RMST: variants seen among roughly 807,000 people sequenced by gnomAD.
The protein encoded by RMST is long intergenic non-protein coding RNA 54.
At chr12:97,500,673 A>G (rs544696140) in intron 10 of RMST, among the ~76,000 whole-genome samples, 1 of 152,268 alleles carries the variant, frequency 6.6e-6, no homozygotes, top group South Asian at 2.1e-4. Context: ...CGATATTATG[A>G]TATGCATTTT....
At chr12:97,468,364 A>T (rs982305704) in intron 5 of RMST, among the ~76,000 whole-genome samples, 1 of 151,962 alleles carries the variant, frequency 6.6e-6, no homozygotes, top group Non-Finnish European at 1.5e-5. Flanking sequence ...GGCTATATAG[A>T]CTCGTTACGT....
At chr12:97,562,806 C>T (rs1216599888) in intron 13 of RMST, among the ~76,000 whole-genome samples, 1 of 152,186 alleles carries the variant, frequency 6.6e-6, no homozygotes, top group East Asian at 1.9e-4. Context: ...TTCACATAAA[C>T]CAAGATGTCA....
intron 5 of RMST, among the ~76,000 whole-genome samples, chr12:97,489,811 G>T (rs1334445167): frequency 1.3e-5 from 2 of 152,106 alleles, no homozygotes; most frequent in Non-Finnish European, 2.9e-5. Flanking sequence ...TCATGCACTG[G>T]GGTAAGCATT....
intron 5 of RMST, among the ~76,000 whole-genome samples, chr12:97,488,251 G>C (rs1414814643): frequency 6.6e-6 from 1 of 152,196 alleles, no homozygotes; most frequent in Non-Finnish European, 1.5e-5. Context: ...GGTGGTGCAT[G>C]CCTGTGATCC....
intron 10 of RMST, among the ~76,000 whole-genome samples, chr12:97,523,942 GGT>G (rs1880783105): frequency 6.6e-6 from 1 of 151,742 alleles, no homozygotes. Context: ...CGGGCATGGT[GGT>G]GCGTGCCTGT....
chr12:97,557,043 T>G (rs1278074204), intron 11 of RMST, among the ~76,000 whole-genome samples: 1 of 152,200 alleles, frequency 6.6e-6, no homozygotes, highest in African/African-American at 2.4e-5. Context: ...AAAGTTAAAA[T>G]AGAATACACC....
intron 11 of RMST, among the ~76,000 whole-genome samples, chr12:97,555,727 A>C (rs1301330376): frequency 6.6e-6 from 1 of 152,242 alleles, no homozygotes; most frequent in Non-Finnish European, 1.5e-5. Flanking sequence ...AAGTCAATAA[A>C]AATGATTAGA....
chr12:97,529,564 G>T (rs1881440209), intron 10 of RMST, among the ~76,000 whole-genome samples: 1 of 145,536 alleles, frequency 6.9e-6, no homozygotes, highest in Non-Finnish European at 1.5e-5. Flanking sequence ...TTATGATATA[G>T]AATTCTCTTT....
chr12:97,511,651 A>G (rs995603369), intron 10 of RMST, among the ~76,000 whole-genome samples: 5 of 152,206 alleles, frequency 3.3e-5, no homozygotes, highest in Admixed American at 6.5e-5. Flanking sequence ...TAATCTTACT[A>G]TGCCTCAGTT....
chr12:97,531,489 A>C (rs972133689), intron 11 of RMST, among the ~76,000 whole-genome samples: 4 of 152,118 alleles, frequency 2.6e-5, no homozygotes, highest in Non-Finnish European at 5.9e-5. Context: ...GCTTGATTGA[A>C]TATTTAAGAT....
At chr12:97,535,681 T>C (rs1052251989) in intron 11 of RMST, among the ~76,000 whole-genome samples, 4 of 151,604 alleles carry the variant, frequency 2.6e-5, no homozygotes. Context: ...TTGCTAAAAC[T>C]TGGAGACTAT....
At chr12:97,501,714 T>C (rs1053810776) in intron 10 of RMST, among the ~76,000 whole-genome samples, 2 of 152,162 alleles carry the variant, frequency 1.3e-5, no homozygotes, top group African/African-American at 4.8e-5. Flanking sequence ...GATCTTAGAA[T>C]GGCCATGAAA....
intron 11 of RMST, among the ~76,000 whole-genome samples, chr12:97,536,353 A>G (rs1882079480): frequency 2.6e-5 from 4 of 151,586 alleles, no homozygotes; most frequent in Non-Finnish European, 1.5e-5. Context: ...TAAAAGAATT[A>G]ACTTGAGTTA....
At chr12:97,507,839 T>A (rs986737928) in intron 10 of RMST, among the ~76,000 whole-genome samples, 2 of 152,118 alleles carry the variant, frequency 1.3e-5, no homozygotes, top group African/African-American at 2.4e-5. Flanking sequence ...AATGAAAGCA[T>A]GGAAGAACAC....
intron 11 of RMST, among the ~76,000 whole-genome samples, chr12:97,539,183 G>A (rs1488994424): frequency 1.3e-5 from 2 of 151,508 alleles, no homozygotes; most frequent in East Asian, 3.9e-4. Flanking sequence ...GTCACCTTCA[G>A]AATTATCTTG....
chr12:97,503,566 A>G (rs1878329916), intron 10 of RMST, among the ~76,000 whole-genome samples: 1 of 152,170 alleles, frequency 6.6e-6, no homozygotes, highest in Non-Finnish European at 1.5e-5. Context: ...TCCACAGACA[A>G]AAAAGATAAT....
chr12:97,556,132 T>C (rs568271424), intron 11 of RMST, among the ~76,000 whole-genome samples: 3 of 152,304 alleles, frequency 2.0e-5, no homozygotes, highest in African/African-American at 7.2e-5. Context: ...TGAACTTAAT[T>C]AGCTTTTAAA....
intron 10 of RMST, among the ~76,000 whole-genome samples, chr12:97,524,075 C>CAGAGAAAAAA (rs57255256): frequency 0.012 from 657 of 56,116 alleles, 227 homozygotes; most frequent in South Asian, 0.031. Flanking sequence ...GACTCTGTCT[C>CAGAGAAAAAA]AAAAAAAAAA....
chr12:97,469,920 A>G (rs1202070735), intron 5 of RMST, among the ~76,000 whole-genome samples: 2 of 152,106 alleles, frequency 1.3e-5, no homozygotes, highest in African/African-American at 2.4e-5. Flanking sequence ...ACCTTTTTAG[A>G]TCTCATACCA....
Sources: allele counts gnomAD v4.1 joint callset (sites outside exome capture counted in the v4.1 genomes callset), GRCh38; gene constraint gnomAD v4.1.1; transcripts MANE v1.5; gene names NCBI Gene and HGNC (gene_info 2026-07-23, HGNC 2026-07-21).